URGCP: variants seen among roughly 807,000 people sequenced by gnomAD.
URGCP encodes the protein up-regulator of cell proliferation.
In URGCP, 13 loss-of-function variants were observed where a neutral mutation model predicts 24.6. The observed-to-expected ratio is 0.53, with a 90% CI of 0.34 to 0.84. The LOEUF is 0.84. URGCP is among the 40% of genes least tolerant of loss of function. The pLI, the probability that URGCP is intolerant of heterozygous loss-of-function variation, is 0.01. For missense variants in URGCP, 899 were observed against 1,194.3 expected (o/e 0.75, Z 3.64); for synonymous variants, 444 against 487.2 (o/e 0.91, Z 1.17).
intron 1 of URGCP, among the ~76,000 whole-genome samples, chr7:43,917,128 G>A (rs1328669126): frequency 6.6e-6 from 1 of 152,200 alleles, no homozygotes; most frequent in Non-Finnish European, 1.5e-5. Context: ...GAACTCAGAA[G>A]CCTGACATGT....
chr7:43,879,363 A>C, intron 5 of URGCP, 103 bp from the exon 6 acceptor site: 4 of 1,355,204 alleles, frequency 3.0e-6, no homozygotes, highest in Non-Finnish European at 4.0e-6. Flanking sequence ...GAGAGTGACG[A>C]CCCCCTTCAG....
At chr7:43,919,417 C>A in intron 1 of URGCP, 1 of 889,254 alleles carries the variant, frequency 1.1e-6, no homozygotes, top group Non-Finnish European at 1.9e-6. Flanking sequence ...TCGGCCAGCA[C>A]CATCACCCTG....
In URGCP at chr7:43,879,167, C is replaced by G; in HGVS notation, c.296G>C (p.Ser99Thr). Residue 99 changes from serine to threonine, a missense_variant, in exon 6 of 6, where the codon AGT becomes ACT. Ser to Thr is a moderately conservative substitution (Grantham distance 58, BLOSUM62 1). Coordinates refer to ENST00000453200, the MANE Select transcript of URGCP (RefSeq NM_001077663.3). ...GGCCCAGTTCTTCATACTGTCAAAA[C>G]TGATCTGCAGAGAGTCCTGGAGGCT... ...KLSLQDSLQI[S>T]FDSMKNWAPQ... 1.2e-6 allele frequency: 2 copies of G among 1,614,176 alleles called. No homozygotes were observed. Among genetic ancestry groups the G allele is most frequent in the Non-Finnish European group, 1.7e-6 (2 of 1,180,048 alleles).
chr7:43,884,793 C>G (rs1044842403), intron 3 of URGCP, among the ~76,000 whole-genome samples: 1 of 152,114 alleles, frequency 6.6e-6, no homozygotes, highest in Non-Finnish European at 1.5e-5. Flanking sequence ...ATGATGGCCA[C>G]CACTGTACTC....
Position 43,878,673 on chromosome 7 carries a change from C to T in URGCP, c.790G>A (p.Ala264Thr), listed in dbSNP as rs1381003036. Reference protein sequence around the residue: ...SVVLSRAPAFAFVRMDVSSNS... With the variant: ...SVVLSRAPAFTFVRMDVSSNS... ...CTACTGACGTCCATGCGCACGAAGG[C>T]GAAGGCGGGCGCCCTGGACAAGACC... The change falls in exon 6 of 6, where the codon GCC becomes ACC. Residue 264 changes from alanine (A) to threonine (T), a missense_variant. Ala to Thr is a moderately conservative substitution (Grantham distance 58). Transcript: ENST00000453200. The surrounding 1 kb of genome is among the most constrained non-coding windows in gnomAD (Gnocchi z 5.6). 9.9e-6 allele frequency: 16 copies of T among 1,613,386 alleles called. No homozygotes were observed. Among genetic ancestry groups the T allele is most frequent in the East Asian group, 2.2e-5 (1 of 44,894 alleles).
intron 1 of URGCP, among the ~76,000 whole-genome samples, chr7:43,895,715 G>C (rs1054465804): frequency 6.6e-6 from 1 of 152,188 alleles, no homozygotes; most frequent in Non-Finnish European, 1.5e-5. Flanking sequence ...TAAGGATGTG[G>C]AGTAAAGGAA....
intron 1 of URGCP, among the ~76,000 whole-genome samples, chr7:43,893,468 C>G (rs1270192026): frequency 2.0e-5 from 3 of 152,214 alleles, no homozygotes; most frequent in African/African-American, 7.2e-5. Flanking sequence ...CTACAGTAGG[C>G]AGTGACTGTA....
At chr7:43,908,243 A>C (rs1052412203), upstream of URGCP, among the ~76,000 whole-genome samples, 1 of 152,000 alleles carries the variant, frequency 6.6e-6, no homozygotes, top group African/African-American at 2.4e-5. Context: ...ACACCTGGCT[A>C]ATTCTTCTAT....
At chr7:43,882,747 T>C (rs75352179) in intron 3 of URGCP, among the ~76,000 whole-genome samples, 4,502 of 152,292 alleles carry the variant, frequency 0.03, 246 homozygotes, top group African/African-American at 0.1. Flanking sequence ...AAGGTAGTAA[T>C]AGCTACACAC....
intron 1 of URGCP, chr7:43,919,017 T>A: frequency 8.5e-7 from 1 of 1,169,594 alleles, no homozygotes; most frequent in Non-Finnish European, 1.3e-6. Flanking sequence ...GGCCAGCAGA[T>A]TCTCCCAGAG....
intron 1 of URGCP, among the ~76,000 whole-genome samples, chr7:43,921,058 G>A (rs1485449565): frequency 6.6e-6 from 1 of 152,208 alleles, no homozygotes; most frequent in African/African-American, 2.4e-5. Context: ...CGGGCACGGT[G>A]GCCCACACCT....
In URGCP at chr7:43,919,623, C is replaced by T. The variant is rs146719962; in HGVS notation, c.-116+6509G>A. ...CAAGAACGTGATGGTATCCACAGGC[C>T]GAGACCGCCAGACCAACCACTCCTA... On this transcript the variant is annotated intron_variant, in intron 1 of 5. Coordinates refer to the URGCP transcript ENST00000426198. 2.6e-3 allele frequency: 3,575 copies of T among 1,395,202 alleles called. 9 individuals carry two copies. Among genetic ancestry groups the T allele is most frequent in the Non-Finnish European group, 3.1e-3 (3,022 of 981,042 alleles). The allele number at this position is 1,395,202 out of a possible 1,614,324, so 86.4% of individuals were successfully genotyped here.
In URGCP at chr7:43,878,756, A is replaced by T. The variant is rs201612221; in HGVS notation, c.707T>A (p.Val236Glu). The change falls in exon 6 of 6, where the codon GTG (valine) becomes GAG (glutamate). Residue 236 changes from valine to glutamate, a missense_variant. By Grantham distance (121) the Val-to-Glu change is moderately radical (BLOSUM62 -2). Coordinates refer to ENST00000453200, the MANE Select transcript of URGCP (RefSeq NM_001077663.3). This position sits in a 1 kb window ranked among gnomAD's most constrained non-coding sequence, Gnocchi z 5.6. ...TGGGGGCTGGGACCACCATGTCCTC[A>T]CAATGCCCCGCATGGCCCACAGCAG... ...TFLLWAMRGI[V>E]RTWWSQPPRG... 356 of 1,614,124 alleles carry T rather than the reference A, an allele frequency of 2.2e-4. 2 individuals carry two copies. The highest frequency in any genetic ancestry group is 1.4e-3 in the Admixed American group (87 of 60,000).
chr7:43,884,640 G>A (rs1034608585), intron 3 of URGCP, among the ~76,000 whole-genome samples: 2 of 152,134 alleles, frequency 1.3e-5, no homozygotes, highest in African/African-American at 4.8e-5. Flanking sequence ...ACCAGCCTGG[G>A]CACAATAGCA....
intron 1 of URGCP, among the ~76,000 whole-genome samples, chr7:43,895,665 ACT>A (rs1213893064): frequency 1.3e-5 from 2 of 152,216 alleles, no homozygotes; most frequent in African/African-American, 2.4e-5. Context: ...ACACGGTGAG[ACT>A]CTGTCTCAAA....
upstream of URGCP, among the ~76,000 whole-genome samples, chr7:43,907,823 C>T (rs2095905817): frequency 6.6e-6 from 1 of 152,172 alleles, no homozygotes; most frequent in African/African-American, 2.4e-5. Context: ...TCTTTTCCTC[C>T]TGGGAGAATC....
chr7:43,886,800 T>C (rs1216153418), intron 3 of URGCP, among the ~76,000 whole-genome samples: 1 of 151,802 alleles, frequency 6.6e-6, no homozygotes, highest in African/African-American at 2.4e-5. Flanking sequence ...GAAAAGAAAA[T>C]ATAAAACAAA....
At position 43,901,131 on chromosome 7, in the gene URGCP, C is replaced by T. The variant is rs186065978; in HGVS notation, c.14+5431G>A. Among the ~76,000 whole-genome samples the T allele has an allele frequency of 6.1e-4, 93 of 152,324 alleles. 1 individual carries two copies. The highest frequency in any genetic ancestry group is 3.4e-3 in the Middle Eastern group (1 of 294). ...TGTGAAGATTAAATAACTTAATATA[C>T]GCAACAGCATTTAGAATAGGGCCTG... On this transcript the variant is annotated intron_variant, in intron 1 of 5. Transcript: ENST00000453200.
In URGCP at chr7:43,881,940, T is replaced by C; in HGVS notation, c.130A>G (p.Met44Val). Residue 44 changes from methionine (M) to valine (V), a missense_variant, in exon 4 of 6, where the codon ATG becomes GTG. Met to Val is a conservative substitution (Grantham distance 21). Transcript: ENST00000453200. ...VAIADLEWRE[M>V]EGDDCEFRYG... ...CGGAACTCGCAATCATCTCCTTCCATTTCTCTCCATTCCAAATCTAGAAGA... is the reference window on the plus strand; with the variant it reads ...CGGAACTCGCAATCATCTCCTTCCACTTCTCTCCATTCCAAATCTAGAAGA... 1.2e-6 allele frequency: 2 copies of C among 1,614,186 alleles called. No homozygotes were observed. The highest frequency in any genetic ancestry group is 1.7e-6 in the Non-Finnish European group (2 of 1,180,036).
Sources: gnomAD v4.1 joint callset for allele counts (sites outside exome capture counted in the v4.1 genomes callset) on GRCh38, gnomAD v4.1.1 for gene constraint, Gnocchi (gnomAD v3.1) non-coding constraint, MANE v1.5 for transcripts, NCBI Gene and HGNC (gene_info 2026-07-23, HGNC 2026-07-21) for gene names.